AHCYL2: variants seen among roughly 807,000 people sequenced by gnomAD.
The protein encoded by AHCYL2 is adenosylhomocysteinase like 2.
AHCYL2 carries 28 observed loss-of-function variants against 81.4 expected under a neutral mutation model. That is an observed-to-expected ratio of 0.34 (90% confidence interval 0.25 to 0.47). AHCYL2 has a LOEUF of 0.47. AHCYL2 is among the 20% of genes least tolerant of loss of function. AHCYL2 has a pLI of 1.00. For synonymous variants in AHCYL2, 272 were observed against 290.2 expected (o/e 0.94, Z 0.64); for missense variants, 551 against 785.1 (o/e 0.70, Z 3.56).
At chr7:129,285,461 GT>G (rs1796594729) in intron 1 of AHCYL2, among the ~76,000 whole-genome samples, 1 of 152,098 alleles carries the variant, frequency 6.6e-6, no homozygotes, top group African/African-American at 2.4e-5. Context: ...AGGAAGGATT[GT>G]TTTGCCAGTC....
At position 129,325,140 on chromosome 7, in the gene AHCYL2, G is replaced by T. The variant is rs541143046; in HGVS notation, c.364-54498G>T. ...ACTTTTCATTCTTTTGTGTAGATCT[G>T]TCTTTCCATGTGGTATAATTTTCCT... On this transcript the variant is annotated intron_variant, in intron 1 of 16. Transcript: ENST00000325006. Among the ~76,000 whole-genome samples the T allele has an allele frequency of 1.1e-4, 11 of 102,164 alleles. 1 individual carries two copies. The highest frequency in any genetic ancestry group is 4.1e-4 in the African/African-American group (11 of 26,572). 67.0% of individuals were successfully genotyped at this position (102,164 alleles called of 152,430 possible).
At chr7:129,291,626 AGG>A (rs1290766316) in intron 1 of AHCYL2, among the ~76,000 whole-genome samples, 1 of 149,418 alleles carries the variant, frequency 6.7e-6, no homozygotes, top group African/African-American at 2.5e-5. Flanking sequence ...TTTTTGAGAC[AGG>A]GTCTTGCTGT....
intron 1 of AHCYL2, among the ~76,000 whole-genome samples, chr7:129,274,096 A>G (rs56026912): frequency 0.24 from 36,140 of 152,106 alleles, 4,430 homozygotes; most frequent in South Asian, 0.37. Flanking sequence ...GGAACTGGTG[A>G]TATGTGTCTG....
rs188541147 is a variant in AHCYL2, at chr7:129,380,313, C to A, written c.475+564C>A. Reference sequence around the variant, plus strand: ...CCTGGGACTGAGTTATCATTTAATGCCAGGTGAGCTGTTACTGTGTAGGAC... The same window carrying A: ...CCTGGGACTGAGTTATCATTTAATGACAGGTGAGCTGTTACTGTGTAGGAC... On this transcript the variant is annotated intron_variant, in intron 2 of 16. Transcript: ENST00000325006. Among the ~76,000 whole-genome samples the A allele has an allele frequency of 3.9e-5, 6 of 152,246 alleles. No individual in the cohort carries two copies. In the East Asian group the frequency reaches 1.2e-3, roughly 29 times the overall value.
At chr7:129,271,574 A>G (rs1276072704) in intron 1 of AHCYL2, among the ~76,000 whole-genome samples, 1 of 152,170 alleles carries the variant, frequency 6.6e-6, no homozygotes, top group Non-Finnish European at 1.5e-5. Context: ...AGCCAGATGT[A>G]AAATAATATA....
chr7:129,405,967 A>G, intron 9 of AHCYL2, 68 bp downstream of exon 9: 3 of 1,478,554 alleles, frequency 2.0e-6, no homozygotes, highest in Non-Finnish European at 1.9e-6. Flanking sequence ...GGAATTTTTT[A>G]TTTGTATGGA....
At chr7:129,381,282 G>A (rs1794942992) in intron 2 of AHCYL2, among the ~76,000 whole-genome samples, 1 of 151,856 alleles carries the variant, frequency 6.6e-6, no homozygotes, top group Non-Finnish European at 1.5e-5. Flanking sequence ...TCCTGCAGAG[G>A]AAACCAATAC....
At chr7:129,261,135 A>G (rs949008287) in intron 1 of AHCYL2, among the ~76,000 whole-genome samples, 5 of 152,212 alleles carry the variant, frequency 3.3e-5, no homozygotes, top group South Asian at 2.1e-4. Context: ...AAATAAATGC[A>G]TGTATATTTA....
chr7:129,299,720 T>C (rs925974498), intron 1 of AHCYL2, among the ~76,000 whole-genome samples: 4 of 152,100 alleles, frequency 2.6e-5, no homozygotes, highest in Non-Finnish European at 5.9e-5. Context: ...AGTACTTCCG[T>C]AACAAAGAAA....
chr7:129,231,777 C>T (rs1299723569), intron 1 of AHCYL2, among the ~76,000 whole-genome samples: 4 of 152,172 alleles, frequency 2.6e-5, no homozygotes. Flanking sequence ...AGTGGATTGA[C>T]GTTTCTTCTG....
At chr7:129,379,534 C>A in intron 1 of AHCYL2, 104 bp from the exon 2 acceptor site, 1 of 747,012 alleles carries the variant, frequency 1.3e-6, no homozygotes. Flanking sequence ...TTGATACAAT[C>A]AGATCAACTG....
At chr7:129,355,085 G>A (rs1793692354) in intron 1 of AHCYL2, among the ~76,000 whole-genome samples, 1 of 152,104 alleles carries the variant, frequency 6.6e-6, no homozygotes, top group Non-Finnish European at 1.5e-5. Context: ...AAATTGTCCT[G>A]GAATACAAAC....
chr7:129,349,025 T>G (rs1240511617), intron 1 of AHCYL2, among the ~76,000 whole-genome samples: 1 of 152,248 alleles, frequency 6.6e-6, no homozygotes, highest in Admixed American at 6.5e-5. Flanking sequence ...TCTTTACAGC[T>G]AGGAAGAGAC....
At chr7:129,423,003 C>G (rs1291268495) in intron 13 of AHCYL2, 65 bp downstream of exon 13, 7 of 1,371,370 alleles carry the variant, frequency 5.1e-6, no homozygotes, top group Non-Finnish European at 7.2e-6. Flanking sequence ...CAGGTCCCCT[C>G]CTCCTCATGT....
intron 1 of AHCYL2, among the ~76,000 whole-genome samples, chr7:129,226,374 G>T (rs1271549814): frequency 6.6e-6 from 1 of 152,148 alleles, no homozygotes; most frequent in Admixed American, 6.5e-5. Flanking sequence ...CTCTCTTAAA[G>T]CTGAATCAGC....
rs564668042 is a variant in AHCYL2 at position 129,419,161 on chromosome 7, A to G, written c.1462-3679A>G. Among the ~76,000 whole-genome samples the G allele has an allele frequency of 6.6e-6, 1 of 152,182 alleles. No homozygotes were observed. Among genetic ancestry groups the G allele is most frequent in the African/African-American group, 2.4e-5 (1 of 41,536 alleles). On this transcript the variant is annotated intron_variant, in intron 12 of 16. Transcript: ENST00000325006. The surrounding 1 kb of genome is among the most constrained non-coding windows in gnomAD (Gnocchi z 4.7). ...TTTAGAAAGCTGCATTTTTTTTCTG[A>G]GAAATATGAATGCTGTGAATACTGA...
chr7:129,338,225 T>C (rs533222596), intron 1 of AHCYL2, among the ~76,000 whole-genome samples: 20 of 152,174 alleles, frequency 1.3e-4, no homozygotes, highest in African/African-American at 4.8e-4. Context: ...TTCAGCTTAC[T>C]ATAACCTAGA....
At chr7:129,409,404 C>A in intron 10 of AHCYL2, 72 bp from the exon 11 acceptor site, 3 of 1,164,592 alleles carry the variant, frequency 2.6e-6, no homozygotes, top group Non-Finnish European at 3.8e-6. Flanking sequence ...TTGATATTAG[C>A]TTTTGAAGTC....
intron 7 of AHCYL2, among the ~76,000 whole-genome samples, chr7:129,404,546 G>A (rs1796207837): frequency 6.6e-6 from 1 of 152,116 alleles, no homozygotes; most frequent in Non-Finnish European, 1.5e-5. Context: ...GTGGTGGCGG[G>A]CGCCTATAAT....
Sources: gnomAD v4.1 joint callset for allele counts (sites outside exome capture counted in the v4.1 genomes callset) on GRCh38, gnomAD v4.1.1 for gene constraint, Gnocchi (gnomAD v3.1) non-coding constraint, MANE v1.5 for transcripts, NCBI Gene and HGNC (gene_info 2026-07-23, HGNC 2026-07-21) for gene names.